CEP112: variants seen among roughly 807,000 people sequenced by gnomAD.
CEP112 encodes the protein centrosomal protein 112.
A neutral mutation model predicts 153.0 loss-of-function variants in CEP112; 127 were observed. That is an observed-to-expected ratio of 0.83 (90% confidence interval 0.72 to 0.96). The LOEUF (loss-of-function observed/expected upper bound fraction) is 0.96. CEP112 is among the 40% of genes least tolerant of loss of function. The pLI, the probability that CEP112 is intolerant of heterozygous loss-of-function variation, is 0.00. For synonymous variants in CEP112, 358 were observed against 374.4 expected, an observed-to-expected ratio of 0.96 and a Z score of 0.51; for missense variants, 1,089 against 1,101.2, an observed-to-expected ratio of 0.99 and a Z score of 0.16.
At chr17:66,107,006 A>T (rs1274272582) in intron 6 of CEP112, among the ~76,000 whole-genome samples, 3 of 152,196 alleles carry the variant, frequency 2.0e-5, no homozygotes, top group African/African-American at 7.2e-5. Flanking sequence ...AAATCAATCC[A>T]TGTGATAAAT....
intron 21 of CEP112, among the ~76,000 whole-genome samples, chr17:65,849,154 T>G (rs1159618248): frequency 1.3e-5 from 2 of 152,218 alleles, no homozygotes; most frequent in Admixed American, 1.3e-4. Flanking sequence ...TCAACCTCTA[T>G]GTCATGGAAA....
intron 21 of CEP112, among the ~76,000 whole-genome samples, chr17:65,825,059 A>T (rs922762764): frequency 6.6e-6 from 1 of 152,246 alleles, no homozygotes; most frequent in Non-Finnish European, 1.5e-5. Flanking sequence ...TAATGTGACA[A>T]AAGGTGGAAG....
chr17:65,737,671 T>G (rs1444019784), intron 23 of CEP112, among the ~76,000 whole-genome samples: 2 of 152,228 alleles, frequency 1.3e-5, no homozygotes, highest in African/African-American at 4.8e-5. Context: ...GCGCCAGCTC[T>G]GCCTTCCCCT....
chr17:65,712,733 G>A (rs930014130), intron 23 of CEP112, among the ~76,000 whole-genome samples: 2 of 152,268 alleles, frequency 1.3e-5, no homozygotes, highest in South Asian at 2.1e-4. Context: ...AGTAAGTTGG[G>A]TTAGAACTGT....
intron 17 of CEP112, among the ~76,000 whole-genome samples, chr17:65,971,004 T>C (rs12603033): frequency 0.48 from 72,761 of 151,764 alleles, 18,420 homozygotes; most frequent in East Asian, 0.89. Flanking sequence ...AAGGGCTTCT[T>C]ATTTTGGAAG....
chr17:66,039,236 C>CTACT (rs2065871790), intron 12 of CEP112, among the ~76,000 whole-genome samples: 1 of 152,058 alleles, frequency 6.6e-6, no homozygotes, highest in Non-Finnish European at 1.5e-5. Context: ...GTCTTTTCAT[C>CTACT]GTACAACATC....
intron 24 of CEP112, among the ~76,000 whole-genome samples, chr17:65,668,355 A>T (rs114094231): frequency 6.6e-6 from 1 of 152,146 alleles, no homozygotes; most frequent in Non-Finnish European, 1.5e-5. Context: ...CAGGTATGTC[A>T]AGCTGTTCAA....
In CEP112 at chr17:65,965,518, C is replaced by CCTTT. The variant is rs1555734627; in HGVS notation, c.1737-3921_1737-3920insAAAG. On this transcript the variant is annotated intron_variant, in intron 17 of 26. Coordinates refer to ENST00000535342, the MANE Select transcript of CEP112 (RefSeq NM_001199165.4). The stretch of plus-strand genomic sequence containing the variant: ...CTAATATTTAGAAACCTTCTGCCCC[C>CCTTT]TTTTTTTTTTTTTTTTTTCTTTGAG... Among the ~76,000 whole-genome samples the CCTTT allele has an allele frequency of 2.2e-3, 263 of 122,004 alleles. 13 individuals carry two copies. Among genetic ancestry groups the CCTTT allele is most frequent in the East Asian group, 4.6e-3 (19 of 4,160 alleles). The allele number at this position is 122,004 out of a possible 152,430, so 80.0% of individuals were successfully genotyped here.
chr17:65,779,399 T>C (rs2053877940), intron 21 of CEP112, among the ~76,000 whole-genome samples: 1 of 152,196 alleles, frequency 6.6e-6, no homozygotes, highest in African/African-American at 2.4e-5. Flanking sequence ...CTACTAAGTG[T>C]CAGGTATGAA....
intron 23 of CEP112, among the ~76,000 whole-genome samples, chr17:65,692,273 G>C (rs2048145668): frequency 6.9e-6 from 1 of 145,572 alleles, no homozygotes; most frequent in Non-Finnish European, 1.5e-5. Context: ...CTGTCACCCA[G>C]GCTGGAGTGC....
intron 4 of CEP112, among the ~76,000 whole-genome samples, chr17:66,133,389 C>A (rs2070289288): frequency 6.6e-6 from 1 of 152,094 alleles, no homozygotes; most frequent in African/African-American, 2.4e-5. Flanking sequence ...AATAACAAAA[C>A]CTTCATGTAG....
Position 66,129,856 on chromosome 17 carries a change from G to C in CEP112, c.565-33C>G, listed in dbSNP as rs370547516. ...ACAAAAGGGAAAAAGGAAGAGGAGA[G>C]GAAGGAAAGATGGAAGAAATAAAAG... On this transcript the variant is annotated intron_variant, in intron 5 of 26. Coordinates refer to ENST00000535342, the MANE Select transcript of CEP112 (RefSeq NM_001199165.4). 10 of 1,368,266 alleles carry C rather than the reference G, an allele frequency of 7.3e-6. No homozygotes were observed. The South Asian group carries it at 1.2e-4, about 17-fold the overall frequency. 84.8% of individuals were successfully genotyped at this position (1,368,266 alleles called of 1,614,324 possible).
chr17:65,844,798 G>A (rs916131359), intron 21 of CEP112, among the ~76,000 whole-genome samples: 2 of 150,602 alleles, frequency 1.3e-5, no homozygotes, highest in Admixed American at 6.6e-5. Context: ...GGCGGATCAC[G>A]AGGTCAGGAG....
rs563238579 is a variant in CEP112, at chr17:65,898,597, A to G, written c.2163+3555T>C. On this transcript the variant is annotated intron_variant, in intron 20 of 26. Coordinates refer to ENST00000535342, the MANE Select transcript of CEP112 (RefSeq NM_001199165.4). ...TGTTCATATTAGATTTATGATGCTC[A>G]GTGTAGGGAATTAAGAAAGGCATTT... Among the ~76,000 whole-genome samples the G allele has an allele frequency of 2.9e-3, 440 of 152,326 alleles. 2 individuals are homozygous for G. The highest frequency in any genetic ancestry group is 6.8e-3 in the Middle Eastern group (2 of 294).
At chr17:65,915,965 A>G (rs981187437) in intron 19 of CEP112, among the ~76,000 whole-genome samples, 36 of 152,118 alleles carry the variant, frequency 2.4e-4, no homozygotes, top group African/African-American at 8.4e-4. Flanking sequence ...ACTCCATTCC[A>G]GCTACAAACT....
chr17:65,871,668 A>G (rs146376513), intron 20 of CEP112, among the ~76,000 whole-genome samples: 218 of 152,306 alleles, frequency 1.4e-3, no homozygotes, highest in Middle Eastern at 0.014. Flanking sequence ...TTAAATAAAT[A>G]AATACATGCA....
chr17:65,772,746 G>A (rs1481548455), intron 21 of CEP112, among the ~76,000 whole-genome samples: 1 of 152,160 alleles, frequency 6.6e-6, no homozygotes, highest in Non-Finnish European at 1.5e-5. Flanking sequence ...TGCAGTTGGG[G>A]AGGGAAGAGA....
intron 21 of CEP112, among the ~76,000 whole-genome samples, chr17:65,820,350 G>A (rs1358303409): frequency 6.6e-6 from 1 of 151,986 alleles, no homozygotes; most frequent in Non-Finnish European, 1.5e-5. Flanking sequence ...TACCATGCAT[G>A]ACTAGATAGT....
chr17:65,959,088 G>C (rs1014998284), intron 18 of CEP112, among the ~76,000 whole-genome samples: 4 of 152,080 alleles, frequency 2.6e-5, no homozygotes, highest in South Asian at 4.1e-4. Flanking sequence ...GGGCTGCAGA[G>C]ACATCGGGAC....
Sources: gnomAD v4.1 joint callset for allele counts (sites outside exome capture counted in the v4.1 genomes callset) on GRCh38, gnomAD v4.1.1 for gene constraint, MANE v1.5 for transcripts, NCBI Gene and HGNC (gene_info 2026-07-23, HGNC 2026-07-21) for gene names.